The following RAVER2 variants were observed in gnomAD, a reference collection of about 807,000 sequenced individuals.
RAVER2 encodes ribonucleoprotein, PTB binding 2, also known as ribonucleoprotein PTB-binding 2.
A neutral mutation model predicts 78.1 loss-of-function variants in RAVER2; 46 were observed. The ratio of observed to expected loss-of-function variants is 0.59; its 90% CI spans 0.46 to 0.75. The LOEUF (loss-of-function observed/expected upper bound fraction) is 0.75, where lower values mean the gene tolerates loss of function less well. Among genes scored for constraint, RAVER2 ranks in the 30% least tolerant of loss-of-function variants. RAVER2 has a pLI of 0.00. For synonymous variants in RAVER2, 311 were observed against 313.3 expected (o/e 0.99, Z 0.08); for missense variants, 793 against 837.5 (o/e 0.95, Z 0.66).
exon 12 of RAVER2, chr1:64,830,976 A>G: frequency 6.2e-7 from 1 of 1,613,350 alleles, no homozygotes; most frequent in African/African-American, 1.3e-5. Flanking sequence ...AAAAGAAGCG[A>G]GTATACTGAG....
intron 3 of RAVER2, among the ~76,000 whole-genome samples, chr1:64,778,873 T>C (rs1005094164): frequency 6.7e-6 from 1 of 149,194 alleles, no homozygotes; most frequent in African/African-American, 2.4e-5. Flanking sequence ...TCTCCTCCTT[T>C]GCATCTTTTC....
At chr1:64,766,623 G>A (rs1454411803) in intron 1 of RAVER2, among the ~76,000 whole-genome samples, 1 of 152,086 alleles carries the variant, frequency 6.6e-6, no homozygotes, top group Non-Finnish European at 1.5e-5. Flanking sequence ...GCTCTCTTAG[G>A]TAATTCTCTT....
chr1:64,746,373 C>G (rs72918057), intron 1 of RAVER2, among the ~76,000 whole-genome samples: 3,245 of 152,294 alleles, frequency 0.021, 138 homozygotes, highest in African/African-American at 0.075. Context: ...TCTTAGCTGT[C>G]TGGATGTTCA....
At chr1:64,763,275 C>T (rs999254103) in intron 1 of RAVER2, among the ~76,000 whole-genome samples, 8 of 151,676 alleles carry the variant, frequency 5.3e-5, no homozygotes, top group Non-Finnish European at 7.4e-5. Flanking sequence ...CCAGCCTGGG[C>T]GACAGAGCGA....
chr1:64,763,396 G>A (rs1244183582), intron 1 of RAVER2, among the ~76,000 whole-genome samples: 1 of 152,238 alleles, frequency 6.6e-6, no homozygotes, highest in East Asian at 1.9e-4. Flanking sequence ...ATATCCAAAT[G>A]GCATATTAAA....
chr1:64,784,121 C>T (rs572248738), intron 4 of RAVER2, among the ~76,000 whole-genome samples: 3 of 152,318 alleles, frequency 2.0e-5, no homozygotes, highest in African/African-American at 7.2e-5. Flanking sequence ...CAGTGGCTCA[C>T]GCCAGTAATC....
intron 5 of RAVER2, among the ~76,000 whole-genome samples, chr1:64,794,496 T>C (rs894633278): frequency 6.6e-6 from 1 of 152,080 alleles, no homozygotes; most frequent in Non-Finnish European, 1.5e-5. Context: ...TTGCTTAGTA[T>C]CCCCACCAGT....
intron 5 of RAVER2, among the ~76,000 whole-genome samples, chr1:64,791,680 A>T (rs997556050): frequency 1.3e-5 from 2 of 152,148 alleles, no homozygotes; most frequent in Non-Finnish European, 2.9e-5. Context: ...TAGTATAGAG[A>T]TACTCTTTTT....
At chr1:64,799,909 A>G (rs937234207) in intron 5 of RAVER2, among the ~76,000 whole-genome samples, 4 of 152,064 alleles carry the variant, frequency 2.6e-5, no homozygotes, top group Non-Finnish European at 5.9e-5. Context: ...CATCCTCACT[A>G]GCATTTATTA....
chr1:64,747,109 G>A (rs183131691), intron 1 of RAVER2, among the ~76,000 whole-genome samples: 1 of 152,148 alleles, frequency 6.6e-6, no homozygotes, highest in East Asian at 1.9e-4. Context: ...TATATCAAAG[G>A]GTCTAATAAA....
At position 64,745,479 on chromosome 1, in the gene RAVER2, G is replaced by T. The variant is rs1314935165; in HGVS notation, c.249+58G>T. The T allele has an allele frequency of 2.3e-5, 33 of 1,463,870 alleles. No individual in the cohort carries two copies. The highest frequency in any genetic ancestry group is 2.6e-5 in the Non-Finnish European group (29 of 1,095,468). The allele number at this position is 1,463,870 out of a possible 1,614,324, so 90.7% of individuals were successfully genotyped here. The stretch of plus-strand genomic sequence containing the variant: ...GAGGGGCGGCGGGGCGGCGCTCCGT[G>T]TCCAGGCTGGGATCGGGGGCGCCTC... On this transcript the variant is annotated intron_variant, in intron 1 of 11. Coordinates refer to ENST00000294428, the Ensembl canonical transcript of RAVER2. The surrounding 1 kb of genome is among the most constrained non-coding windows in gnomAD (Gnocchi z 4.3).
chr1:64,784,041 T>C (rs1481614077), intron 4 of RAVER2, among the ~76,000 whole-genome samples: 1 of 152,230 alleles, frequency 6.6e-6, no homozygotes. Flanking sequence ...TATTCAGATC[T>C]AGTGACTACA....
intron 1 of RAVER2, among the ~76,000 whole-genome samples, chr1:64,761,757 A>G (rs1481052729): frequency 1.3e-5 from 2 of 152,206 alleles, no homozygotes; most frequent in Non-Finnish European, 2.9e-5. Flanking sequence ...AAAACTGTCT[A>G]TTTGCAGATA....
chr1:64,777,856 G>T, exon 3 of RAVER2: 2 of 1,614,090 alleles, frequency 1.2e-6, no homozygotes, highest in Non-Finnish European at 1.7e-6. Flanking sequence ...CCATTCCAAA[G>T]GCTATGGATT....
At chr1:64,803,881 A>G (rs1311940861) in intron 6 of RAVER2, among the ~76,000 whole-genome samples, 1 of 152,222 alleles carries the variant, frequency 6.6e-6, no homozygotes, top group Admixed American at 6.5e-5. Context: ...TAAACAGTTA[A>G]TTACAATAAG....
At chr1:64,812,672 C>A (rs1653647064) in intron 9 of RAVER2, 66 bp from the exon 10 acceptor site, 3 of 1,021,300 alleles carry the variant, frequency 2.9e-6, no homozygotes, top group African/African-American at 1.7e-5. Flanking sequence ...AAGTATTTCT[C>A]TATTCTTTAT....
chr1:64,768,141 ATTAC>A (rs1046695440), intron 1 of RAVER2, among the ~76,000 whole-genome samples: 1 of 151,912 alleles, frequency 6.6e-6, no homozygotes, highest in African/African-American at 2.4e-5. Flanking sequence ...CTACAGGTGT[ATTAC>A]TTGTTAAAAG....
At chr1:64,778,165 A>G in intron 3 of RAVER2, 73 bp downstream of exon 3, 1 of 1,070,024 alleles carries the variant, frequency 9.3e-7, no homozygotes, top group Non-Finnish European at 1.3e-6. Context: ...TACACTCACA[A>G]ATTTATCATA....
chr1:64,757,826 C>T (rs773743960), intron 1 of RAVER2, among the ~76,000 whole-genome samples: 18 of 152,128 alleles, frequency 1.2e-4, no homozygotes, highest in Admixed American at 5.2e-4. Context: ...TGTGTTCATA[C>T]CAATACATTA....
Sources: gnomAD v4.1 joint callset for allele counts (sites outside exome capture counted in the v4.1 genomes callset) on GRCh38, gnomAD v4.1.1 for gene constraint, Gnocchi (gnomAD v3.1) non-coding constraint, MANE v1.5 for transcripts, NCBI Gene and HGNC (gene_info 2026-07-23, HGNC 2026-07-21) for gene names.